The following CFAP77 variants were observed in gnomAD, a reference collection of about 807,000 sequenced individuals.
The protein encoded by CFAP77 is cilia and flagella associated protein 77.
CFAP77 carries 25 observed loss-of-function variants against 31.1 expected under a neutral mutation model. The observed-to-expected ratio is 0.80, with a 90% CI of 0.59 to 1.12. The LOEUF (loss-of-function observed/expected upper bound fraction) is 1.12. CFAP77 is among the 50% of genes most tolerant of loss of function. The pLI, the probability that CFAP77 is intolerant of heterozygous loss-of-function variation, is 0.00. For synonymous variants in CFAP77, 151 were observed against 159.9 expected (o/e 0.94, Z 0.42); for missense variants, 377 against 397.3 (o/e 0.95, Z 0.44).
chr9:132,540,288 A>G (rs918639421), intron 4 of CFAP77, among the ~76,000 whole-genome samples: 54 of 151,944 alleles, frequency 3.6e-4, no homozygotes, highest in African/African-American at 1.3e-3. Context: ...TGGTAAACCG[A>G]CCCCATCTTC....
chr9:132,470,495 G>T (rs926470769), intron 1 of CFAP77, among the ~76,000 whole-genome samples: 6 of 152,192 alleles, frequency 3.9e-5, no homozygotes, highest in Admixed American at 3.3e-4. Flanking sequence ...AGTTGGCCTC[G>T]CATCCCAGTG....
At chr9:132,523,493 C>G (rs1394104539) in intron 3 of CFAP77, among the ~76,000 whole-genome samples, 1 of 152,248 alleles carries the variant, frequency 6.6e-6, no homozygotes, top group East Asian at 1.9e-4. Context: ...AGGGATCTCT[C>G]TGGCTCATTA....
At chr9:132,430,851 G>A (rs1746574424) in intron 1 of CFAP77, among the ~76,000 whole-genome samples, 2 of 152,156 alleles carry the variant, frequency 1.3e-5, no homozygotes, top group African/African-American at 4.8e-5. Flanking sequence ...AATGCAGGCA[G>A]ATGCAGCGGG....
chr9:132,540,453 C>T (rs1217687068), intron 4 of CFAP77, among the ~76,000 whole-genome samples: 1 of 152,150 alleles, frequency 6.6e-6, no homozygotes, highest in Non-Finnish European at 1.5e-5. Context: ...TCTGATTAAA[C>T]AAGGCCCCAC....
chr9:132,480,675 G>A lies in CFAP77; in HGVS notation c.196-18020G>A, dbSNP rs1851428968. Among the ~76,000 whole-genome samples, 1 of 152,320 alleles carries A rather than the reference G, an allele frequency of 6.6e-6. No homozygotes were observed. Among genetic ancestry groups the A allele is most frequent in the Admixed American group, 6.5e-5 (1 of 15,302 alleles). Reference sequence around the variant, plus strand: ...AAAATAGGTGACATCCTGTGGCTGGGGTTTCTCACGGAGGCTACAGAGTCC... The same window carrying A: ...AAAATAGGTGACATCCTGTGGCTGGAGTTTCTCACGGAGGCTACAGAGTCC... On this transcript the variant is annotated intron_variant, in intron 1 of 5. Coordinates refer to ENST00000393216, the MANE Select transcript of CFAP77 (RefSeq NM_001282957.2). This position sits in a 1 kb window ranked among gnomAD's most constrained non-coding sequence, Gnocchi z 5.8.
chr9:132,513,684 G>A (rs1852083291), intron 3 of CFAP77, among the ~76,000 whole-genome samples: 2 of 152,140 alleles, frequency 1.3e-5, no homozygotes, highest in Non-Finnish European at 2.9e-5. Flanking sequence ...CTGCTAAGGT[G>A]TTTCTCGTGT....
chr9:132,524,642 ATATTTATT>A (rs535842037), intron 3 of CFAP77, among the ~76,000 whole-genome samples: 9 of 151,394 alleles, frequency 5.9e-5, no homozygotes, highest in South Asian at 2.1e-4. Flanking sequence ...GACACGTGCC[ATATTTATT>A]TATTTATTTA....
chr9:132,572,688 C>A lies in CFAP77; in HGVS notation c.*178C>A. The A allele has an allele frequency of 1.6e-6, 1 of 634,960 alleles. No homozygotes were observed. 39.3% of individuals were successfully genotyped at this position (634,960 alleles called of 1,614,324 possible). A position where few individuals can be genotyped will look rare whatever the true frequency, so the allele number is the denominator to read the frequency against. The stretch of plus-strand genomic sequence containing the variant: ...TAAAAGTCCCCCCTTTTAGGTTAGC[C>A]AACATTAGTCTCCACTTAGCCCCAG... On this transcript the variant is annotated 3_prime_UTR_variant, in exon 6 of 6. Coordinates refer to ENST00000393216, the MANE Select transcript of CFAP77 (RefSeq NM_001282957.2).
chr9:132,494,389 T>G (rs1258266245), intron 1 of CFAP77, among the ~76,000 whole-genome samples: 3 of 152,208 alleles, frequency 2.0e-5, no homozygotes, highest in Non-Finnish European at 2.9e-5. Context: ...TGTCCAGACA[T>G]GGCCAGATGT....
intron 4 of CFAP77, among the ~76,000 whole-genome samples, chr9:132,540,781 A>C (rs371518900): frequency 5.1e-4 from 78 of 152,212 alleles, no homozygotes; most frequent in African/African-American, 1.3e-3. Context: ...CTTTACCTGT[A>C]AGTTTTGGGG....
chr9:132,420,766 A>G (rs1370292284), intron 1 of CFAP77, among the ~76,000 whole-genome samples: 1 of 152,176 alleles, frequency 6.6e-6, no homozygotes. Flanking sequence ...TGTACCAGGC[A>G]CAGTACCAGG....
chr9:132,549,159 C>A (rs1165630300), intron 5 of CFAP77, among the ~76,000 whole-genome samples: 2 of 152,270 alleles, frequency 1.3e-5, no homozygotes, highest in East Asian at 3.9e-4. Flanking sequence ...TCTGCTACAC[C>A]CCCCAAGCGG....
chr9:132,555,821 G>A (rs80019025), intron 5 of CFAP77, among the ~76,000 whole-genome samples: 3,974 of 152,216 alleles, frequency 0.026, 82 homozygotes, highest in Non-Finnish European at 0.04. Context: ...AGATCTCCGC[G>A]TTGTGAGATG....
At chr9:132,520,740 G>T (rs1030805837) in intron 3 of CFAP77, among the ~76,000 whole-genome samples, 1 of 152,140 alleles carries the variant, frequency 6.6e-6, no homozygotes, top group African/African-American at 2.4e-5. Flanking sequence ...CCCTCACCAA[G>T]CTCCTGGCCT....
chr9:132,491,141 A>G (rs570463835), intron 1 of CFAP77, among the ~76,000 whole-genome samples: 60 of 152,310 alleles, frequency 3.9e-4, no homozygotes, highest in African/African-American at 1.4e-3. Context: ...GGATTGGAAA[A>G]ATGAATGAAC....
chr9:132,504,590 T>C (rs1851903065), intron 3 of CFAP77, among the ~76,000 whole-genome samples: 1 of 152,338 alleles, frequency 6.6e-6, no homozygotes, highest in African/African-American at 2.4e-5. Context: ...ATCGTGGCCA[T>C]AAAGCTTTAT....
At chr9:132,443,444 G>A (rs1330150443) in intron 1 of CFAP77, among the ~76,000 whole-genome samples, 1 of 151,888 alleles carries the variant, frequency 6.6e-6, no homozygotes, top group African/African-American at 2.4e-5. Flanking sequence ...GTAGAGTTGG[G>A]GTTTCTCCAT....
chr9:132,559,806 A>C (rs138760264), intron 5 of CFAP77, among the ~76,000 whole-genome samples: 39 of 152,352 alleles, frequency 2.6e-4, no homozygotes, highest in African/African-American at 9.4e-4. Context: ...TGGGTAACAA[A>C]AATGTGGTCC....
chr9:132,463,522 G>A (rs1348943735), intron 1 of CFAP77, among the ~76,000 whole-genome samples: 1 of 151,754 alleles, frequency 6.6e-6, no homozygotes, highest in African/African-American at 2.4e-5. Flanking sequence ...TGAACGAAGT[G>A]GTCTTTCCTC....
Sources: allele counts gnomAD v4.1 joint callset (sites outside exome capture counted in the v4.1 genomes callset), GRCh38; gene constraint gnomAD v4.1.1; non-coding constraint Gnocchi (gnomAD v3.1); transcripts MANE v1.5; gene names NCBI Gene and HGNC (gene_info 2026-07-23, HGNC 2026-07-21).